CIAO3: variants seen among roughly 807,000 people sequenced by gnomAD.
CIAO3 encodes LET1 like/JFP15.
Under a neutral mutation model 51.5 loss-of-function variants are expected in CIAO3, and 45 were observed. The observed-to-expected ratio is 0.87, with a 90% confidence interval of 0.69 to 1.12. CIAO3 has a LOEUF of 1.12. Ranked by LOEUF, CIAO3 falls within the 50% of genes most tolerant of loss-of-function variation. The probability of loss-of-function intolerance (pLI) is 0.00; values close to 1 mark genes in which losing one functional copy is unlikely to be tolerated. For missense variants in CIAO3, 668 were observed against 632.5 expected (o/e 1.06, Z -0.60); for synonymous variants, 314 against 269.3 (o/e 1.17, Z -1.63).
At position 730,528 on chromosome 16, in the gene CIAO3, CT is replaced by C; in HGVS notation, c.1319del (p.Glu440GlyfsTer70). The C allele has an allele frequency of 1.2e-6, 2 of 1,610,872 alleles. No homozygotes were observed. The highest frequency in any genetic ancestry group is 1.7e-6 in the Non-Finnish European group (2 of 1,179,992). On this transcript the variant is annotated frameshift_variant, in exon 11 of 11. Coordinates refer to ENST00000251588, the MANE Select transcript of CIAO3 (RefSeq NM_022493.3). LOFTEE classifies it low-confidence loss of function (END_TRUNC). Reference sequence around the variant, plus strand: ...TGCCCTGCAGCCAGTGTGTGTACAGCTCCTGAACCCCAGGCGCGTCCTCGGG... The same window carrying C: ...TGCCCTGCAGCCAGTGTGTGTACAGCCCTGAACCCCAGGCGCGTCCTCGGG... The part of the protein sequence containing the change: ...EAPEDAPGVQ[E>X]LYTHWLQGTD...
rs1430209704 is a variant in CIAO3, at chr16:730,964, C to G, written c.1071G>C (p.Glu357Asp). 3 of 1,612,872 alleles carry G rather than the reference C, an allele frequency of 1.9e-6. No individual in the cohort carries two copies. The highest frequency in any genetic ancestry group is 2.7e-5 in the African/African-American group (2 of 74,950). The change falls in exon 10 of 11, where the codon GAG becomes GAC. Residue 357 changes from glutamate (E) to aspartate (D), a missense_variant. By Grantham distance (45) the Glu-to-Asp change is conservative. Coordinates refer to ENST00000251588, the MANE Select transcript of CIAO3 (RefSeq NM_022493.3). ...KDFQEVTLEK[E>D]GQVLLHFAMA... ...TTGCGAAGTGCAGCAGCACCTGGCC[C>G]TCCTTCTCCAGTGTCACCTCCTGGA...
Position 737,778 on chromosome 16 carries a change from G to A in CIAO3, c.163-449C>T. 1 of 1,218,914 alleles carries A rather than the reference G, an allele frequency of 8.2e-7. No homozygotes were observed. The highest frequency in any genetic ancestry group is 1.6e-5 in the African/African-American group (1 of 63,644). 75.5% of individuals were successfully genotyped at this position (1,218,914 alleles called of 1,614,324 possible). On this transcript the variant is annotated intron_variant, in intron 2 of 10. Transcript: ENST00000251588. This position sits in a 1 kb window ranked among gnomAD's most constrained non-coding sequence, Gnocchi z 5.3. ...AGAGGAGAGCAGAGGGAGGAAGCCT[G>A]GGAGCCTGGCCTCCGGTGGGCGGGG... is the stretch of plus-strand genomic sequence containing the variant.
intron 9 of CIAO3, 133 bp from the exon 10 acceptor site, chr16:731,133 G>C (rs535081816): frequency 4.8e-5 from 57 of 1,187,918 alleles, no homozygotes; most frequent in Non-Finnish European, 6.3e-5. Context: ...CCTGGGCAGA[G>C]GGAAGGACAA....
chr16:731,405 G>T, intron 9 of CIAO3, 160 bp downstream of exon 9: 1 of 1,056,668 alleles, frequency 9.5e-7, no homozygotes, highest in Non-Finnish European at 1.3e-6. Flanking sequence ...CCCTGAGCCC[G>T]CCAGGAGGGC....
rs370688331 is a variant in CIAO3 at position 736,350 on chromosome 16, G to A, written c.355C>T (p.Gln119Ter). Residue 119 changes from glutamine (Q) to a stop codon, truncating the protein, a stop_gained, in exon 4 of 11, where the codon CAG becomes TAG. Coordinates refer to ENST00000251588, the MANE Select transcript of CIAO3 (RefSeq NM_022493.3). LOFTEE classifies it high-confidence loss of function. ...CGTGCAGCCAGCGATGCTCTAGACT[G>A]TGGTGAGACCGAAACTACAACCAGC... ...QRLVVVSVSPQSRASLAARFQ... is the reference protein window; with the variant it reads ...QRLVVVSVSP 1.9e-6 allele frequency: 3 copies of A among 1,612,938 alleles called. No individual in the cohort carries two copies. Among genetic ancestry groups the A allele is most frequent in the African/African-American group, 2.7e-5 (2 of 74,892 alleles).
rs138245914 is a variant in CIAO3 at position 730,960 on chromosome 16, G to A, written c.1075C>T (p.Gln359Ter). 1.2e-6 allele frequency: 2 copies of A among 1,612,890 alleles called. No homozygotes were observed. The highest frequency in any genetic ancestry group is 1.3e-5 in the African/African-American group (1 of 74,952). The change falls in exon 10 of 11, where the codon CAG becomes TAG. Residue 359 changes from glutamine to a stop codon, truncating the protein, a stop_gained. Transcript: ENST00000251588. LOFTEE classifies it high-confidence loss of function. ...GCCATTGCGAAGTGCAGCAGCACCTGGCCCTCCTTCTCCAGTGTCACCTCC... is the reference window on the plus strand; with the variant it reads ...GCCATTGCGAAGTGCAGCAGCACCTAGCCCTCCTTCTCCAGTGTCACCTCC... ...FQEVTLEKEG[Q>*]VLLHFAMAYG...
At chr16:731,138 G>T in intron 9 of CIAO3, 138 bp from the exon 10 acceptor site, 1 of 1,100,852 alleles carries the variant, frequency 9.1e-7, no homozygotes, top group Non-Finnish European at 1.3e-6. Context: ...GCAGAGGGAA[G>T]GACAAGAACG....
chr16:733,937 C>G (rs1467060226), intron 6 of CIAO3: 6 of 438,984 alleles, frequency 1.4e-5, no homozygotes, highest in Admixed American at 1.1e-4. Flanking sequence ...TCCTCGTGGA[C>G]CTGGTGGCCG....
At chr16:733,980 G>T in intron 6 of CIAO3, 1 of 502,234 alleles carries the variant, frequency 2.0e-6, no homozygotes, top group South Asian at 2.0e-5. Flanking sequence ...ACTGCCCAGG[G>T]CCTCCTGCTC....
In CIAO3 at chr16:734,203, G is replaced by C. The variant is rs896074125; in HGVS notation, c.693+26C>G. ...CACTTCTGGCCGCTCCCCAGCCTGA[G>C]TCTGGGGCTGGCCCAACGCCGTTAC... On this transcript the variant is annotated intron_variant, in intron 6 of 10. Coordinates refer to ENST00000251588, the MANE Select transcript of CIAO3 (RefSeq NM_022493.3). 2 of 1,599,386 alleles carry C rather than the reference G, an allele frequency of 1.3e-6. 1 individual carries two copies. Among genetic ancestry groups the C allele is most frequent in the African/African-American group, 2.7e-5 (2 of 74,686 alleles).
intron 2 of CIAO3, among the ~76,000 whole-genome samples, chr16:739,027 G>A (rs1367032358): frequency 6.7e-6 from 1 of 149,080 alleles, no homozygotes; most frequent in Non-Finnish European, 1.5e-5. Context: ...GCTGGGCGCG[G>A]TGGCTCACGC....
chr16:730,656 C>G lies in CIAO3; in HGVS notation c.1193-1G>C. 6.2e-7 allele frequency: 1 copy of G among 1,607,996 alleles called. No individual in the cohort carries two copies. Among genetic ancestry groups the G allele is most frequent in the Non-Finnish European group, 8.5e-7 (1 of 1,179,440 alleles). ...AGCTGGCCCCCGCCGTTCAGGCAGC[C>G]TATGGGAGAGCAGACGGGACAGGGG... On this transcript the variant is annotated splice_acceptor_variant, in intron 10 of 10. Transcript: ENST00000251588. LOFTEE classifies it high-confidence loss of function.
intron 8 of CIAO3, chr16:731,985 C>G: frequency 1.9e-6 from 1 of 528,002 alleles, no homozygotes; most frequent in Non-Finnish European, 3.3e-6. Flanking sequence ...TCTCATGCCT[C>G]AACCTCCCAA....
At chr16:733,141 T>C (rs1430960494) in intron 7 of CIAO3, 157 bp downstream of exon 7, 25 of 963,754 alleles carry the variant, frequency 2.6e-5, no homozygotes, top group Middle Eastern at 3.4e-4. Context: ...CCCACCTGGC[T>C]CCAAGGGGAG....
Position 740,841 on chromosome 16 carries a change from A to G in CIAO3, c.66+79T>C. 5 of 1,349,610 alleles carry G rather than the reference A, an allele frequency of 3.7e-6. No homozygotes were observed. In the South Asian group the frequency reaches 3.8e-5, roughly 10 times the overall value. The allele number at this position is 1,349,610 out of a possible 1,614,324, so 83.6% of individuals were successfully genotyped here. A position where few individuals can be genotyped will look rare whatever the true frequency, so the allele number is the denominator to read the frequency against. On this transcript the variant is annotated intron_variant, in intron 1 of 10. Coordinates refer to ENST00000251588, the MANE Select transcript of CIAO3 (RefSeq NM_022493.3). ...TCGGATCTCATTCCTCAGGGGAGGAAGTGGGGCGCAGAGCAATTTCCCTCC... is the reference window on the plus strand; with the variant it reads ...TCGGATCTCATTCCTCAGGGGAGGAGGTGGGGCGCAGAGCAATTTCCCTCC...
At position 739,970 on chromosome 16, in the gene CIAO3, T is replaced by C. The variant is rs919131865; in HGVS notation, c.67-232A>G. 2.0e-6 allele frequency: 3 copies of C among 1,480,904 alleles called. No homozygotes were observed. In the African/African-American group the frequency reaches 4.2e-5, roughly 21 times the overall value. 91.7% of individuals were successfully genotyped at this position (1,480,904 alleles called of 1,614,324 possible). A position where few individuals can be genotyped will look rare whatever the true frequency, so the allele number is the denominator to read the frequency against. ...AGTTCCCAGTGTGCAGGAAGGCCAGTGCTAACAGCGCCTGCAAACTACCCA... is the reference window on the plus strand; with the variant it reads ...AGTTCCCAGTGTGCAGGAAGGCCAGCGCTAACAGCGCCTGCAAACTACCCA... On this transcript the variant is annotated intron_variant, in intron 1 of 10. Transcript: ENST00000251588.
intron 1 of CIAO3, chr16:740,040 C>G (rs1305601111): frequency 6.4e-6 from 9 of 1,407,664 alleles, no homozygotes; most frequent in South Asian, 2.4e-5. Flanking sequence ...TTCACGTGAA[C>G]AGGGGGCGTG....
rs753398706 is a variant in CIAO3 at position 739,681 on chromosome 16, G to A, written c.124C>T (p.Arg42Cys). ...KRAGSGVAKI[R>C]IEDDGSYFQI... ...AAGTAGCTCCCGTCATCTTCAATGC[G>A]AATCTTGGCCACGCCACTTCCCGCC... Residue 42 changes from arginine (R) to cysteine (C), a missense_variant, in exon 2 of 11, where the codon CGC becomes TGC. Transcript: ENST00000251588. 3 of 1,614,116 alleles carry A rather than the reference G, an allele frequency of 1.9e-6. No individual in the cohort carries two copies. The highest frequency in any genetic ancestry group is 2.5e-6 in the Non-Finnish European group (3 of 1,180,026).
intron 2 of CIAO3, among the ~76,000 whole-genome samples, chr16:738,859 G>T (rs996040741): frequency 6.9e-6 from 1 of 144,504 alleles, no homozygotes; most frequent in Non-Finnish European, 1.5e-5. Context: ...GGCTGGTCTC[G>T]AACTCCTGAC....
Sources: allele counts gnomAD v4.1 joint callset (sites outside exome capture counted in the v4.1 genomes callset), GRCh38; gene constraint gnomAD v4.1.1; non-coding constraint Gnocchi (gnomAD v3.1); transcripts MANE v1.5; gene names NCBI Gene and HGNC (gene_info 2026-07-23, HGNC 2026-07-21).